Variants in FANCD2 observed in about 807,000 individuals in gnomAD.
FANCD2 encodes Fanconi anemia group D2 protein.
A neutral mutation model predicts 192.3 loss-of-function variants in FANCD2; 131 were observed. The observed-to-expected ratio is 0.68, with a 90% confidence interval of 0.59 to 0.79. The LOEUF is 0.79. Ranked by LOEUF, FANCD2 falls within the 30% of genes least tolerant of loss-of-function variation. The probability of loss-of-function intolerance (pLI) is 0.00; values close to 1 mark genes in which losing one functional copy is unlikely to be tolerated. For synonymous variants in FANCD2, 524 were observed against 612.5 expected (o/e 0.86, Z 2.13); for missense variants, 1,508 against 1,701.6 (o/e 0.89, Z 2.00).
intron 26 of FANCD2, among the ~76,000 whole-genome samples, chr3:10,072,634 T>A (rs1693317528): frequency 6.6e-6 from 1 of 152,258 alleles, no homozygotes; most frequent in Admixed American, 6.5e-5. Context: ...TAGTTATATA[T>A]CATTATTTAA....
At chr3:10,076,053 A>G (rs1490895352) in intron 29 of FANCD2, among the ~76,000 whole-genome samples, 3 of 143,588 alleles carry the variant, frequency 2.1e-5, no homozygotes, top group African/African-American at 7.9e-5. Flanking sequence ...TTTTTTTTTA[A>G]TCTTTCTACA....
intron 8 of FANCD2, 58 bp downstream of exon 8, chr3:10,039,415 A>G: frequency 7.1e-7 from 1 of 1,413,456 alleles, no homozygotes; most frequent in Non-Finnish European, 9.9e-7. Flanking sequence ...TATCTTTTGG[A>G]GGTTGTATTT....
At chr3:10,073,925 C>T (rs1459474843) in intron 28 of FANCD2, among the ~76,000 whole-genome samples, 2 of 152,004 alleles carry the variant, frequency 1.3e-5, no homozygotes, top group African/African-American at 4.8e-5. Flanking sequence ...CATTCTGGCC[C>T]CTAAGCTCAC....
chr3:10,067,243 A>T lies in FANCD2; in HGVS notation c.2420A>T (p.Glu807Val), dbSNP rs1305213202. 1.2e-6 allele frequency: 2 copies of T among 1,613,452 alleles called. No homozygotes were observed. The highest frequency in any genetic ancestry group is 3.3e-5 in the Admixed American group (2 of 59,996). The change falls in exon 26 of 44, where the codon GAG becomes GTG. Residue 807 changes from glutamate to valine, a missense_variant. Around this residue, in one of 5 missense-constraint regions of FANCD2, gnomAD observed 796 missense variants for 879.4 expected, o/e 0.91. Coordinates refer to ENST00000675286, the MANE Select transcript of FANCD2 (RefSeq NM_001018115.3). ...VNAFCQETSP[E>V]MKGKVLTRLK... ...GCCTTCTGCCAGGAAACATCACCTGAGATGAAGGGGAAGGTGCTCACTCGG... is the reference window on the plus strand; with the variant it reads ...GCCTTCTGCCAGGAAACATCACCTGTGATGAAGGGGAAGGTGCTCACTCGG...
At chr3:10,092,070 G>C (rs1011161869) in intron 37 of FANCD2, 111 bp from the exon 38 acceptor site, 3 of 846,558 alleles carry the variant, frequency 3.5e-6, no homozygotes, top group Non-Finnish European at 6.2e-6. Context: ...AAGGATAATT[G>C]GCTTAAATAT....
intron 43 of FANCD2, 100 bp from the exon 44 acceptor site, chr3:10,101,088 A>C: frequency 1.1e-6 from 1 of 897,012 alleles, no homozygotes; most frequent in South Asian, 1.4e-5. Flanking sequence ...AAGTTTTAAC[A>C]GTGATAATAG....
rs1355839882 is a variant in FANCD2 at position 10,096,451 on chromosome 3, T to A, written c.4164T>A (p.Asn1388Lys). The A allele has an allele frequency of 6.2e-7, 1 of 1,614,112 alleles. No homozygotes were observed. Residue 1388 changes from asparagine to lysine, a missense_variant, in exon 42 of 44, where the codon AAT (asparagine) becomes AAA (lysine). Transcript: ENST00000675286. ...NNCREAFWLG[N>K]LKNRDLQGEE... ...GTAGAGAGGCTTTCTGGCTGGGCAA[T>A]CTAAAAAACCGGGACTTGCAGGTAA... is the stretch of plus-strand genomic sequence containing the variant.
chr3:10,034,803 G>A lies in FANCD2; in HGVS notation c.377+5G>A, dbSNP rs2124975404. On this transcript the variant is annotated splice_donor_5th_base_variant and intron_variant, in intron 5 of 43. Coordinates refer to ENST00000675286, the MANE Select transcript of FANCD2 (RefSeq NM_001018115.3). ...TCTGCAGGATGAGGAAGCCAGGTGT[G>A]GAGAGGAGGCATGGAATCTTGCTGA... is the stretch of plus-strand genomic sequence containing the variant. 1 of 1,547,132 alleles carries A rather than the reference G, an allele frequency of 6.5e-7. No homozygotes were observed. The highest frequency in any genetic ancestry group is 8.8e-7 in the Non-Finnish European group (1 of 1,141,836).
At chr3:10,055,747 G>T (rs2087390244) in intron 18 of FANCD2, among the ~76,000 whole-genome samples, 1 of 151,936 alleles carries the variant, frequency 6.6e-6, no homozygotes, top group Non-Finnish European at 1.5e-5. Context: ...GGGATACGGA[G>T]CTTGCAGTGA....
chr3:10,072,904 T>G lies in FANCD2; in HGVS notation c.2528T>G (p.Phe843Cys), dbSNP rs920051158. 2 of 1,611,774 alleles carry G rather than the reference T, an allele frequency of 1.2e-6. No homozygotes were observed. Among genetic ancestry groups the G allele is most frequent in the African/African-American group, 2.7e-5 (2 of 74,900 alleles). The change falls in exon 27 of 44, where the codon TTT becomes TGT. Residue 843 changes from phenylalanine to cysteine, a missense_variant. By Grantham distance (205) the Phe-to-Cys change is radical. This residue lies in a region of FANCD2 where 796 missense variants were observed against 879.4 expected (regional missense o/e 0.91). Transcript: ENST00000675286. ...TPDYVPPLGN[F>C]DVETLDITPH... ...GACTATGTCCCTCCTCTTGGAAACTTTGATGTGGAAACTTTAGATATAACA... is the reference window on the plus strand; with the variant it reads ...GACTATGTCCCTCCTCTTGGAAACTGTGATGTGGAAACTTTAGATATAACA...
intron 18 of FANCD2, among the ~76,000 whole-genome samples, chr3:10,056,361 G>A (rs2087413111): frequency 6.6e-6 from 1 of 152,054 alleles, no homozygotes; most frequent in African/African-American, 2.4e-5. Context: ...TGGATCATAT[G>A]ATGACCATAT....
chr3:10,036,471 AT>A, intron 7 of FANCD2, 132 bp downstream of exon 7: 1 of 676,654 alleles, frequency 1.5e-6, no homozygotes, highest in Non-Finnish European at 2.6e-6. Flanking sequence ...GACTACTAAA[AT>A]TTTACTGGAG....
chr3:10,060,259 C>A (rs373595588), intron 18 of FANCD2, 35 bp from the exon 19 acceptor site: 263 of 1,470,364 alleles, frequency 1.8e-4, no homozygotes, highest in Non-Finnish European at 2.5e-4. Flanking sequence ...TGTGCCATTC[C>A]AGCATTTTCA....
At chr3:10,092,551 G>T (rs1022809836) in intron 38 of FANCD2, among the ~76,000 whole-genome samples, 1 of 151,106 alleles carries the variant, frequency 6.6e-6, no homozygotes, top group African/African-American at 2.4e-5. Flanking sequence ...TGATCTGAGC[G>T]CACATTCCCT....
At chr3:10,071,016 A>G (rs1693209335) in intron 26 of FANCD2, among the ~76,000 whole-genome samples, 1 of 148,598 alleles carries the variant, frequency 6.7e-6, no homozygotes, top group Admixed American at 6.7e-5. Flanking sequence ...TCCTCTGCCT[A>G]GGAAAACCAG....
chr3:10,093,459 G>T, intron 39 of FANCD2, 136 bp downstream of exon 39: 1 of 785,576 alleles, frequency 1.3e-6, no homozygotes. Flanking sequence ...TTTAGGGAAG[G>T]CAATGGATGC....
At chr3:10,047,772 G>A (rs540795198) in intron 15 of FANCD2, 145 bp from the exon 16 acceptor site, 78 of 884,682 alleles carry the variant, frequency 8.8e-5, no homozygotes, top group Non-Finnish European at 1.4e-4. Context: ...GATTATTTTT[G>A]TGTAAAACAA....
chr3:10,074,776 AG>A, intron 29 of FANCD2, 103 bp downstream of exon 29: 1 of 1,108,574 alleles, frequency 9.0e-7, no homozygotes, highest in South Asian at 1.3e-5. Flanking sequence ...GAGAGAAGTT[AG>A]ACTGACTTTT....
At chr3:10,038,809 G>T (rs567440420) in intron 7 of FANCD2, among the ~76,000 whole-genome samples, 1 of 152,146 alleles carries the variant, frequency 6.6e-6, no homozygotes, top group South Asian at 2.1e-4. Flanking sequence ...TTGAACTCCT[G>T]GCCTCATGTG....
Sources: gnomAD v4.1 joint callset for allele counts (sites outside exome capture counted in the v4.1 genomes callset) on GRCh38, gnomAD v4.1.1 for gene constraint, gnomAD v4.1.1 regional missense constraint, MANE v1.5 for transcripts, NCBI Gene and HGNC (gene_info 2026-07-23, HGNC 2026-07-21) for gene names.